NPDC1: variants seen among roughly 807,000 people sequenced by gnomAD.
NPDC1 encodes neural proliferation differentiation and control protein 1.
Under a neutral mutation model 32.5 loss-of-function variants are expected in NPDC1, and 18 were observed. That is an observed-to-expected ratio of 0.55 (90% confidence interval 0.38 to 0.82). NPDC1 has a LOEUF of 0.82. Among genes scored for constraint, NPDC1 ranks in the 40% least tolerant of loss-of-function variants. NPDC1 has a pLI of 0.00. For synonymous variants in NPDC1, 210 were observed against 184.7 expected, an observed-to-expected ratio of 1.14 and a Z score of -1.11; for missense variants, 468 against 406.6, an observed-to-expected ratio of 1.15 and a Z score of -1.30.
chr9:137,043,761 T>C (rs1832090492), intron 1 of NPDC1: 2 of 245,326 alleles, frequency 8.2e-6, no homozygotes, highest in East Asian at 1.7e-4. Flanking sequence ...TTGGCAGTGC[T>C]GGGGATGGCA....
chr9:137,039,615 C>A lies in NPDC1; in HGVS notation c.*157G>T. 1.7e-6 allele frequency: 1 copy of A among 590,988 alleles called. No individual in the cohort carries two copies. The highest frequency in any genetic ancestry group is 2.1e-5 in the South Asian group (1 of 48,542). The allele number at this position is 590,988 out of a possible 1,614,324, so 36.6% of individuals were successfully genotyped here. ...CAGGAGGTGTCCTGGCACAAAGGTT[C>A]GGGGGTCTCCCTGGCAAGGGGTCCC... On this transcript the variant is annotated 3_prime_UTR_variant, in exon 9 of 9. Coordinates refer to ENST00000371601, the MANE Select transcript of NPDC1 (RefSeq NM_015392.4).
intron 1 of NPDC1, among the ~76,000 whole-genome samples, chr9:137,045,604 C>A (rs1240725891): frequency 3.3e-5 from 5 of 152,238 alleles, no homozygotes; most frequent in African/African-American, 1.2e-4. Flanking sequence ...GCCAGACGCG[C>A]TCCCGGCGGA....
intron 1 of NPDC1, 82 bp downstream of exon 1, chr9:137,045,796 G>T: frequency 1.1e-6 from 1 of 908,086 alleles, no homozygotes; most frequent in South Asian, 5.0e-5. Context: ...GGACGAGGGC[G>T]GCGGCGCCCG....
intron 1 of NPDC1, among the ~76,000 whole-genome samples, chr9:137,044,841 C>T (rs1832107800): frequency 6.6e-6 from 1 of 152,360 alleles, no homozygotes; most frequent in East Asian, 1.9e-4. Flanking sequence ...TTCTCGGAAG[C>T]CTCTCCTGTT....
At position 137,040,963 on chromosome 9, in the gene NPDC1, C is replaced by T. The variant is rs778983633; in HGVS notation, c.407G>A (p.Arg136Gln). The change falls in exon 4 of 9, where the codon CGG (arginine) becomes CAG (glutamine). Residue 136 changes from arginine to glutamine, a missense_variant. Coordinates refer to ENST00000371601, the MANE Select transcript of NPDC1 (RefSeq NM_015392.4). ...PEPATLGFSA[R>Q]GQGLELGLPS... ...GAGGCCCAGCTCCAGCCCCTGCCCC[C>T]GTGCCGAGAAGCCCAGGGTGGCTGC... 21 of 1,544,306 alleles carry T rather than the reference C, an allele frequency of 1.4e-5. No individual in the cohort carries two copies. Among genetic ancestry groups the T allele is most frequent in the East Asian group, 9.0e-5 (4 of 44,274 alleles).
In NPDC1 at chr9:137,042,973, C is replaced by G. The variant is rs1454839148; in HGVS notation, c.213G>C (p.Gln71His). Residue 71 changes from glutamine to histidine, a missense_variant, in exon 2 of 9, where the codon CAG (glutamine) becomes CAC (histidine). Gln to His is a conservative substitution (Grantham distance 24). Coordinates refer to ENST00000371601, the MANE Select transcript of NPDC1 (RefSeq NM_015392.4). ...HACGPCLQPF[Q>H]EDQQGLCVPR... ...GCACACAGAGCCCTTGCTGGTCCTC[C>G]TGGAAGGGCTGAAGGCAGGGCCCAC... The G allele has an allele frequency of 6.2e-7, 1 of 1,612,122 alleles. No individual in the cohort carries two copies. The highest frequency in any genetic ancestry group is 1.1e-5 in the South Asian group (1 of 91,042).
chr9:137,041,085 T>C lies in NPDC1; in HGVS notation c.362A>G (p.Asp121Gly), dbSNP rs1202566180. 6.5e-7 allele frequency: 1 copy of C among 1,528,896 alleles called. No individual in the cohort carries two copies. The allele number at this position is 1,528,896 out of a possible 1,614,324, so 94.7% of individuals were successfully genotyped here. ...SGHSTPPLPKDRQRLPEPATL... is the reference protein window; with the variant it reads ...SGHSTPPLPKGRQRLPEPATL... ...ACCAGGCTCCGGGAGCCGCTGTCGGTCCTTGGGTAGGGGCGGAGTTGAGTG... is the reference window on the plus strand; with the variant it reads ...ACCAGGCTCCGGGAGCCGCTGTCGGCCCTTGGGTAGGGGCGGAGTTGAGTG... The change falls in exon 3 of 9, where the codon GAC (aspartate) becomes GGC (glycine). Residue 121 changes from aspartate to glycine, a missense_variant. By Grantham distance (94) the Asp-to-Gly change is moderately conservative. Transcript: ENST00000371601.
Position 137,040,926 on chromosome 9 carries a change from T to A in NPDC1, c.444A>T (p.Pro148=). 6.4e-7 allele frequency: 1 copy of A among 1,564,534 alleles called. No homozygotes were observed. The change falls in exon 4 of 9, where the codon CCA becomes CCT. Residue 148 remains proline (P), a synonymous_variant. Coordinates refer to ENST00000371601, the MANE Select transcript of NPDC1 (RefSeq NM_015392.4). ...QGLELGLPST[P]GTPTPTPHTS... is the part of the protein sequence containing the mutation. Reference sequence around the variant, plus strand: ...TGTGGGGCGTGGGCGTGGGGGTTCCTGGAGTGGAGGGGAGGCCCAGCTCCA... The same window carrying A: ...TGTGGGGCGTGGGCGTGGGGGTTCCAGGAGTGGAGGGGAGGCCCAGCTCCA...
Position 137,040,428 on chromosome 9 carries a change from G to A in NPDC1, c.717C>T (p.Asp239=). The A allele has an allele frequency of 6.4e-7, 1 of 1,553,386 alleles. No homozygotes were observed. Among genetic ancestry groups the A allele is most frequent in the Non-Finnish European group, 8.7e-7 (1 of 1,149,672 alleles). Reference sequence around the variant, plus strand: ...TCTCCGCGCTCTGTGCCAGCCGCTGGTCCCCAGGCTGTGGGAAGGAGGAGG... The same window carrying A: ...TCTCCGCGCTCTGTGCCAGCCGCTGATCCCCAGGCTGTGGGAAGGAGGAGG... The part of the protein sequence containing the change: ...SPAAPRISPG[D]QRLAQSAEMY... The change falls in exon 7 of 9, where the codon GAC becomes GAT. Residue 239 remains aspartate (D), a synonymous_variant. Transcript: ENST00000371601.
chr9:137,041,269 T>C (rs1387912588), intron 2 of NPDC1, 82 bp from the exon 3 acceptor site: 1 of 1,320,760 alleles, frequency 7.6e-7, no homozygotes, highest in African/African-American at 1.5e-5. Context: ...TCTGGCAGGT[T>C]CCTCCCAGGA....
chr9:137,040,091 T>C, intron 7 of NPDC1, 24 bp from the exon 8 acceptor site: 1 of 772,448 alleles, frequency 1.3e-6, no homozygotes, highest in Non-Finnish European at 2.4e-6. Flanking sequence ...GATCGCTGGG[T>C]CCTCCCCATG....
intron 1 of NPDC1, 131 bp from the exon 2 acceptor site, chr9:137,043,204 C>T: frequency 1.0e-6 from 1 of 977,674 alleles, no homozygotes; most frequent in South Asian, 1.4e-5. Flanking sequence ...GGCCATTGTT[C>T]TGGACATGCC....
chr9:137,042,549 T>A (rs1267230442), intron 2 of NPDC1, among the ~76,000 whole-genome samples: 3 of 137,266 alleles, frequency 2.2e-5, no homozygotes, highest in Non-Finnish European at 3.1e-5. Flanking sequence ...GAGCCACTGC[T>A]CCCGGCCTTC....
Position 137,041,179 on chromosome 9 carries a change from G to A in NPDC1, c.268C>T (p.Arg90Trp), listed in dbSNP as rs945849732. ...TCATCTTCCAGTCTGGGCTGGGGCC[G>A]GCCCCCGCCTGGGGAGGGTGAGGGG... is the stretch of plus-strand genomic sequence containing the variant. ...PRMRRPPGGG[R>W]PQPRLEDEID... The change falls in exon 3 of 9, where the codon CGG (arginine) becomes TGG (tryptophan). Residue 90 changes from arginine to tryptophan, a missense_variant. By Grantham distance (101) the Arg-to-Trp change is moderately radical (BLOSUM62 -3). Transcript: ENST00000371601. 32 of 1,442,392 alleles carry A rather than the reference G, an allele frequency of 2.2e-5. No homozygotes were observed. Among genetic ancestry groups the A allele is most frequent in the South Asian group, 1.2e-4 (8 of 65,282 alleles). 89.3% of individuals were successfully genotyped at this position (1,442,392 alleles called of 1,614,324 possible).
rs1358752819 is a variant in NPDC1, at chr9:137,044,830, A to T, written c.112+1048T>A. Among the ~76,000 whole-genome samples the T allele has an allele frequency of 3.3e-5, 5 of 152,140 alleles. No individual in the cohort carries two copies. The East Asian group carries it at 7.7e-4, about 23-fold the overall frequency. On this transcript the variant is annotated intron_variant, in intron 1 of 8. Coordinates refer to ENST00000371601, the MANE Select transcript of NPDC1 (RefSeq NM_015392.4). ...GCCTTTCCTGGCTGAGCACACTCTG[A>T]TTCTCGGAAGCCTCTCCTGTTCATG... is the stretch of plus-strand genomic sequence containing the variant.
chr9:137,043,357 CAGTG>C lies in NPDC1; in HGVS notation c.113-288_113-285del, dbSNP rs1202716606. On this transcript the variant is annotated intron_variant, in intron 1 of 8. Transcript: ENST00000371601. ...CAGAAGCTGAGTCTCGCCGTCCAGGCAGTGCTGAGTTCTCCTGGGCAGGGCCGTG... is the reference window on the plus strand; with the variant it reads ...CAGAAGCTGAGTCTCGCCGTCCAGGCCTGAGTTCTCCTGGGCAGGGCCGTG... 1.3e-5 allele frequency: 9 copies of C among 716,786 alleles called. No homozygotes were observed. The East Asian group carries it at 2.1e-4, about 17-fold the overall frequency. 44.4% of individuals were successfully genotyped at this position (716,786 alleles called of 1,614,324 possible). A position where few individuals can be genotyped will look rare whatever the true frequency, so the allele number is the denominator to read the frequency against.
intron 5 of NPDC1, 36 bp from the exon 6 acceptor site, chr9:137,040,634 G>T: frequency 6.4e-7 from 1 of 1,562,412 alleles, no homozygotes; most frequent in Non-Finnish European, 8.6e-7. Context: ...CTGAGCGTGT[G>T]GCACCCTCCC....
At position 137,040,733 on chromosome 9, in the gene NPDC1, C is replaced by G. The variant is rs1399506172; in HGVS notation, c.561G>C (p.Leu187=). ...GGQGDGLALV[L]ILAFCVAGAA... ...CACCGGCCACACAGAACGCCAGGATCAGCACTGCAGGAGGGGGCGTGTGAG... is the reference window on the plus strand; with the variant it reads ...CACCGGCCACACAGAACGCCAGGATGAGCACTGCAGGAGGGGGCGTGTGAG... The change falls in exon 5 of 9, where the codon CTG becomes CTC. Residue 187 remains leucine (L), a synonymous_variant. Transcript: ENST00000371601. The G allele has an allele frequency of 6.3e-7, 1 of 1,589,244 alleles. No homozygotes were observed. The highest frequency in any genetic ancestry group is 1.1e-5 in the South Asian group (1 of 88,306).
At chr9:137,042,878 G>A (rs1469883637) in intron 2 of NPDC1, 49 bp downstream of exon 2, 2 of 1,547,466 alleles carry the variant, frequency 1.3e-6, no homozygotes, top group African/African-American at 1.4e-5. Context: ...TACAGGGAGA[G>A]GTTCATGCAG....
Sources: allele counts gnomAD v4.1 joint callset (sites outside exome capture counted in the v4.1 genomes callset), GRCh38; gene constraint gnomAD v4.1.1; transcripts MANE v1.5; gene names NCBI Gene and HGNC (gene_info 2026-07-23, HGNC 2026-07-21).